MAPK10: variants seen among roughly 807,000 people sequenced by gnomAD.
MAPK10 encodes the protein mitogen-activated protein kinase 10.
MAPK10 carries 25 observed loss-of-function variants against 59.3 expected under a neutral mutation model. That is an observed-to-expected ratio of 0.42 (90% CI 0.31 to 0.59). The LOEUF is 0.59. Among genes scored for constraint, MAPK10 ranks in the 20% least tolerant of loss-of-function variants. MAPK10 has a pLI of 0.15. For synonymous variants in MAPK10, 190 were observed against 200.5 expected (o/e 0.95, Z 0.44); for missense variants, 351 against 568.9 (o/e 0.62, Z 3.90).
At chr4:86,179,341 C>A (rs549111989) in intron 3 of MAPK10, among the ~76,000 whole-genome samples, 1 of 151,834 alleles carries the variant, frequency 6.6e-6, no homozygotes, top group Middle Eastern at 3.4e-3. Context: ...TATAAAACAC[C>A]GATGAAAGAA....
chr4:86,104,493 T>C (rs950103770), intron 5 of MAPK10, among the ~76,000 whole-genome samples: 7 of 152,160 alleles, frequency 4.6e-5, no homozygotes, highest in Admixed American at 3.3e-4. Context: ...ACACCTTTCA[T>C]TGGAACATCT....
intron 1 of MAPK10, among the ~76,000 whole-genome samples, chr4:86,580,988 A>C (rs1400219149): frequency 6.6e-6 from 1 of 152,224 alleles, no homozygotes; most frequent in Non-Finnish European, 1.5e-5. Context: ...CAGAGTGCAA[A>C]GCCTACCCTA....
chr4:86,075,560 A>T (rs2049127806), intron 9 of MAPK10, among the ~76,000 whole-genome samples: 1 of 152,222 alleles, frequency 6.6e-6, no homozygotes, highest in African/African-American at 2.4e-5. Flanking sequence ...AGTGATGTAC[A>T]GATGGGTTTT....
At chr4:86,308,385 C>T (rs2095608493) in intron 2 of MAPK10, among the ~76,000 whole-genome samples, 1 of 152,120 alleles carries the variant, frequency 6.6e-6, no homozygotes, top group Admixed American at 6.5e-5. Flanking sequence ...TATATTTCTG[C>T]TATAGCTTAA....
intron 11 of MAPK10, among the ~76,000 whole-genome samples, chr4:86,040,388 G>A (rs893281059): frequency 1.3e-5 from 2 of 152,112 alleles, no homozygotes; most frequent in African/African-American, 4.8e-5. Context: ...TAGTAGGATT[G>A]ATGAAGGAGA....
chr4:86,292,576 A>G (rs145751829), intron 2 of MAPK10, among the ~76,000 whole-genome samples: 233 of 152,238 alleles, frequency 1.5e-3, no homozygotes, highest in African/African-American at 5.5e-3. Context: ...TAAAAAATTA[A>G]CTGGGCGTGA....
At chr4:86,457,245 G>A (rs932441214), upstream of MAPK10, among the ~76,000 whole-genome samples, 13 of 152,140 alleles carry the variant, frequency 8.5e-5, no homozygotes, top group African/African-American at 3.1e-4. Context: ...GAGAACTGGA[G>A]CTAGACAAGG....
chr4:86,256,535 G>A (rs1268663508), intron 2 of MAPK10, among the ~76,000 whole-genome samples: 1 of 151,944 alleles, frequency 6.6e-6, no homozygotes, highest in African/African-American at 2.4e-5. Context: ...ATGGGAATAA[G>A]ATATATATCT....
At chr4:86,359,284 C>CTGTGTGTGTGTGTGTGTGTG (rs1396195347) in intron 1 of MAPK10, among the ~76,000 whole-genome samples, 1 of 132,882 alleles carries the variant, frequency 7.5e-6, no homozygotes, top group African/African-American at 3.1e-5. Context: ...CTCTCTCTCT[C>CTGTGTGTGTGTGTGTGTGTG]TCTCTGTGTG....
In MAPK10 at chr4:86,028,920, A is replaced by G. The variant is rs145934898; in HGVS notation, c.1252+277T>C. ...CTCTGAATTTTGATGAGGCACATTT[A>G]CCCTTTAGCCCATGTTAACATTTTC... On this transcript the variant is annotated intron_variant, in intron 13 of 13. Transcript: ENST00000641462. 1,401 of 437,246 alleles carry G rather than the reference A, an allele frequency of 3.2e-3. 12 individuals are homozygous for G. The highest frequency in any genetic ancestry group is 0.024 in the African/African-American group (1,220 of 50,000). The allele number at this position is 437,246 out of a possible 1,614,324, so 27.1% of individuals were successfully genotyped here.
intron 2 of MAPK10, among the ~76,000 whole-genome samples, chr4:86,290,821 C>T (rs1306703396): frequency 6.6e-6 from 1 of 152,112 alleles, no homozygotes; most frequent in Non-Finnish European, 1.5e-5. Flanking sequence ...TACCTCTGGC[C>T]ATAGACTTAT....
chr4:86,063,819 T>C (rs2046206081), intron 11 of MAPK10, among the ~76,000 whole-genome samples: 1 of 152,106 alleles, frequency 6.6e-6, no homozygotes, highest in Non-Finnish European at 1.5e-5. Flanking sequence ...CACCAATCGT[T>C]TTAATCATCT....
intron 3 of MAPK10, among the ~76,000 whole-genome samples, chr4:86,188,677 C>G (rs1277333331): frequency 6.6e-6 from 1 of 152,004 alleles, no homozygotes; most frequent in East Asian, 1.9e-4. Flanking sequence ...CAAAAATGTT[C>G]CCCCATTCTG....
intron 1 of MAPK10, among the ~76,000 whole-genome samples, chr4:86,559,781 A>G (rs1421470765): frequency 6.6e-6 from 1 of 152,102 alleles, no homozygotes; most frequent in East Asian, 1.9e-4. Flanking sequence ...TCTACTAAAA[A>G]TACAAAAATT....
At chr4:86,261,704 T>A (rs2093989324) in intron 2 of MAPK10, among the ~76,000 whole-genome samples, 1 of 152,266 alleles carries the variant, frequency 6.6e-6, no homozygotes, top group African/African-American at 2.4e-5. Context: ...CTTTTGTGAC[T>A]GGACATGCCT....
At chr4:86,515,479 A>G (rs1756582314) in intron 1 of MAPK10, among the ~76,000 whole-genome samples, 1 of 152,192 alleles carries the variant, frequency 6.6e-6, no homozygotes, top group Admixed American at 6.5e-5. Context: ...CCTTTTCACC[A>G]TATCCATGCC....
At chr4:86,194,496 T>A in intron 2 of MAPK10, 89 bp from the exon 3 acceptor site, 2 of 787,678 alleles carry the variant, frequency 2.5e-6, no homozygotes. Context: ...TTGAGTTATA[T>A]GCAAAGTACC....
At chr4:86,097,615 T>C (rs1350192950) in intron 9 of MAPK10, among the ~76,000 whole-genome samples, 1 of 152,104 alleles carries the variant, frequency 6.6e-6, no homozygotes, top group East Asian at 1.9e-4. Flanking sequence ...TCAATGGTGA[T>C]TGTACTTAGA....
intron 1 of MAPK10, among the ~76,000 whole-genome samples, chr4:86,414,929 T>C (rs779390413): frequency 2.0e-5 from 3 of 151,896 alleles, no homozygotes; most frequent in Non-Finnish European, 4.4e-5. Flanking sequence ...CTGAGCACTA[T>C]TAAGGGCTTG....
Sources: gnomAD v4.1 joint callset for allele counts (sites outside exome capture counted in the v4.1 genomes callset) on GRCh38, gnomAD v4.1.1 for gene constraint, MANE v1.5 for transcripts, NCBI Gene and HGNC (gene_info 2026-07-23, HGNC 2026-07-21) for gene names.